Variants in SLC16A4 observed in about 807,000 individuals in gnomAD.
The protein encoded by SLC16A4 is probable monocarboxylate transporter 5.
SLC16A4 carries 39 observed loss-of-function variants against 47.9 expected under a neutral mutation model. The ratio of observed to expected loss-of-function variants is 0.81; its 90% CI spans 0.63 to 1.06. The LOEUF is 1.06. SLC16A4 is among the 50% of genes least tolerant of loss of function. The probability of loss-of-function intolerance (pLI) is 0.00; values close to 1 mark genes in which losing one functional copy is unlikely to be tolerated. For missense variants in SLC16A4, 524 were observed against 573.8 expected, an observed-to-expected ratio of 0.91 and a Z score of 0.89; for synonymous variants, 189 against 199.9, an observed-to-expected ratio of 0.95 and a Z score of 0.46.
At position 110,382,709 on chromosome 1, in the gene SLC16A4, G is replaced by A. The variant is rs781152269; in HGVS notation, c.220+125C>T. 2.3e-5 allele frequency: 22 copies of A among 954,232 alleles called. No homozygotes were observed. In the Middle Eastern group the frequency reaches 1.4e-3, roughly 60 times the overall value. 59.1% of individuals were successfully genotyped at this position (954,232 alleles called of 1,614,324 possible). On this transcript the variant is annotated intron_variant, in intron 3 of 8. Coordinates refer to ENST00000369779, the MANE Select transcript of SLC16A4 (RefSeq NM_004696.3). ...TATTGCAATTCCTTACTTTCTCAGC[G>A]TTACATATCAGTAAATGAACCTTAA...
Position 110,386,018 on chromosome 1 carries a change from A to T in SLC16A4, c.88-3052T>A, listed in dbSNP as rs1212739457. 2.0e-5 allele frequency among the ~76,000 whole-genome samples: 3 copies of T among 152,160 alleles called. No individual in the cohort carries two copies. The East Asian group carries it at 5.8e-4, about 29-fold the overall frequency. On this transcript the variant is annotated intron_variant, in intron 2 of 8. Coordinates refer to ENST00000369779, the MANE Select transcript of SLC16A4 (RefSeq NM_004696.3). ...ATACAGTGCATCATTCTGTAAAGTA[A>T]ACTTCCTTTTGTTCTATGGACGTGG...
intron 2 of SLC16A4, among the ~76,000 whole-genome samples, chr1:110,387,400 T>C (rs1052919756): frequency 6.6e-6 from 1 of 152,224 alleles, no homozygotes; most frequent in African/African-American, 2.4e-5. Flanking sequence ...TTTCACTTAC[T>C]AGGAGCTCAT....
chr1:110,389,272 C>T lies in SLC16A4; in HGVS notation c.52G>A (p.Gly18Arg), dbSNP rs774774280. Residue 18 changes from glycine (G) to arginine (R), a missense_variant, in exon 2 of 9, where the codon GGA (glycine) becomes AGA (arginine). Coordinates refer to ENST00000369779, the MANE Select transcript of SLC16A4 (RefSeq NM_004696.3). Reference protein sequence around the residue: ...VQPYTKTLDGGWGWMIVIHFF... With the variant: ...VQPYTKTLDGRWGWMIVIHFF... ...TGAATCACAATCATCCATCCCCATC[C>T]TCCATCCAGGGTTTTAGTGTAAGGT... 4.3e-6 allele frequency: 7 copies of T among 1,613,960 alleles called. No homozygotes were observed. The highest frequency in any genetic ancestry group is 3.3e-5 in the Admixed American group (2 of 60,010).
At chr1:110,371,768 A>G (rs930384550) in intron 8 of SLC16A4, 1 of 151,944 alleles carries the variant, frequency 6.6e-6, no homozygotes, top group Admixed American at 6.6e-5. Context: ...AAACTCACCT[A>G]CTCTAATGCA....
At chr1:110,378,489 A>G (rs898187722) in intron 6 of SLC16A4, among the ~76,000 whole-genome samples, 8 of 152,352 alleles carry the variant, frequency 5.3e-5, no homozygotes, top group African/African-American at 1.9e-4. Context: ...TCCTTGAGCC[A>G]CTGCACTGTG....
rs748328458 is a variant in SLC16A4, at chr1:110,381,694, T to C, written c.322A>G (p.Thr108Ala). 6.3e-5 allele frequency: 101 copies of C among 1,613,578 alleles called. No homozygotes were observed. The highest frequency in any genetic ancestry group is 8.1e-5 in the Non-Finnish European group (96 of 1,179,882). ...GTCACACAAAGAAAAGGAATACTTG[T>C]GGCCCAGCTGCTGATCAGATATCCA... ...TGGYLISSWA[T>A]SIPFLCVTMG... Residue 108 changes from threonine (T) to alanine (A), a missense_variant, in exon 4 of 9, where the codon ACA (threonine) becomes GCA (alanine). By Grantham distance (58) the Thr-to-Ala change is moderately conservative. Coordinates refer to ENST00000369779, the MANE Select transcript of SLC16A4 (RefSeq NM_004696.3).
rs757300309 is a variant in SLC16A4 at position 110,363,716 on chromosome 1, G to C, written c.*50C>G. The C allele has an allele frequency of 2.1e-5, 32 of 1,510,470 alleles. 1 individual carries two copies. The Admixed American group carries it at 6.7e-4, about 32-fold the overall frequency. The allele number at this position is 1,510,470 out of a possible 1,614,324, so 93.6% of individuals were successfully genotyped here. A position where few individuals can be genotyped will look rare whatever the true frequency, so the allele number is the denominator to read the frequency against. On this transcript the variant is annotated 3_prime_UTR_variant, in exon 9 of 9. Coordinates refer to ENST00000369779, the MANE Select transcript of SLC16A4 (RefSeq NM_004696.3). ...CAAGCTTTTGTTTCCAATGACATTA[G>C]TTTAGGTTTTCTTTTGTTTAGCTCT...
chr1:110,367,682 G>A (rs1661463405), intron 8 of SLC16A4, among the ~76,000 whole-genome samples: 1 of 151,894 alleles, frequency 6.6e-6, no homozygotes, highest in Non-Finnish European at 1.5e-5. Flanking sequence ...GGCAACAGAG[G>A]GAGAGCCTGT....
intron 6 of SLC16A4, among the ~76,000 whole-genome samples, chr1:110,377,996 ATTT>A: frequency 1.3e-5 from 2 of 151,724 alleles, no homozygotes; most frequent in Admixed American, 1.3e-4. Flanking sequence ...CGCCTGGCTA[ATTT>A]TTTGTATTTT....
At chr1:110,389,545 C>T (rs1227228309) in intron 1 of SLC16A4, among the ~76,000 whole-genome samples, 190 bp from the exon 2 acceptor site, 1 of 152,224 alleles carries the variant, frequency 6.6e-6, no homozygotes, top group African/African-American at 2.4e-5. Context: ...TAATCCCATT[C>T]CTGGGTATAT....
rs567679016 is a variant in SLC16A4, at chr1:110,380,197, C to T, written c.526+785G>A. ...AATAGTTGCTTGCATTCAGCGTGTC[C>T]TGATCAAAGCTATGATTTGTATGGT... On this transcript the variant is annotated intron_variant, in intron 5 of 8. Coordinates refer to ENST00000369779, the MANE Select transcript of SLC16A4 (RefSeq NM_004696.3). Among the ~76,000 whole-genome samples, 8 of 152,108 alleles carry T rather than the reference C, an allele frequency of 5.3e-5. No homozygotes were observed. The South Asian group carries it at 1.2e-3, about 24-fold the overall frequency.
chr1:110,367,397 CT>C (rs1374191765), intron 8 of SLC16A4, among the ~76,000 whole-genome samples: 1 of 152,202 alleles, frequency 6.6e-6, no homozygotes, highest in Non-Finnish European at 1.5e-5. Flanking sequence ...AATCTTAGCA[CT>C]TTGGGAGGCC....
intron 5 of SLC16A4, among the ~76,000 whole-genome samples, chr1:110,379,582 G>A (rs1662239242): frequency 6.6e-6 from 1 of 151,980 alleles, no homozygotes; most frequent in Non-Finnish European, 1.5e-5. Flanking sequence ...GGGATAAAAG[G>A]AGAGATGGTG....
At chr1:110,389,120 C>G (rs1446776269) in intron 2 of SLC16A4, 117 bp downstream of exon 2, 2 of 903,650 alleles carry the variant, frequency 2.2e-6, no homozygotes, top group Non-Finnish European at 3.7e-6. Flanking sequence ...TCCTGCCCAC[C>G]CCTCCACTCA....
At chr1:110,380,058 C>A (rs868416006) in intron 5 of SLC16A4, among the ~76,000 whole-genome samples, 166 of 96,156 alleles carry the variant, frequency 1.7e-3, no homozygotes, top group Middle Eastern at 5.0e-3. Context: ...GAGCCTGTCT[C>A]AAAAAAAAAA....
At position 110,363,771 on chromosome 1, in the gene SLC16A4, T is replaced by A; in HGVS notation, c.1459A>T (p.Thr487Ser). 1 of 1,607,008 alleles carries A rather than the reference T, an allele frequency of 6.2e-7. No homozygotes were observed. Among genetic ancestry groups the A allele is most frequent in the Non-Finnish European group, 8.5e-7 (1 of 1,177,672 alleles). Residue 487 changes from threonine (T) to serine (S), a missense_variant, in exon 9 of 9, where the codon ACC becomes TCC. By Grantham distance (58) the Thr-to-Ser change is moderately conservative. Transcript: ENST00000369779. ...PLAERWKNSL[T>S] ...TGATTGCAGTCTTCTTTCTTTCAGGTCAGACTGTTTTTCCATCTTTCGGCC... is the reference window on the plus strand; with the variant it reads ...TGATTGCAGTCTTCTTTCTTTCAGGACAGACTGTTTTTCCATCTTTCGGCC...
chr1:110,367,983 C>T (rs1661484225), intron 8 of SLC16A4, among the ~76,000 whole-genome samples: 3 of 152,178 alleles, frequency 2.0e-5, no homozygotes, highest in South Asian at 4.1e-4. Flanking sequence ...CGTCCGCCAC[C>T]GTGCCCGGCT....
chr1:110,363,620 C>G lies in SLC16A4; in HGVS notation c.*146G>C. ...CAGCCTGGGCGAAAGAGCGAGACTC[C>G]GTCTCAAAAAAAAAAAAAAAAAAAT... On this transcript the variant is annotated 3_prime_UTR_variant, in exon 9 of 9. Coordinates refer to ENST00000369779, the MANE Select transcript of SLC16A4 (RefSeq NM_004696.3). The G allele has an allele frequency of 2.8e-6, 2 of 718,432 alleles. No individual in the cohort carries two copies. The highest frequency in any genetic ancestry group is 4.1e-6 in the Non-Finnish European group (2 of 489,934). The allele number at this position is 718,432 out of a possible 1,614,324, so 44.5% of individuals were successfully genotyped here.
chr1:110,379,608 G>C (rs1323874736), intron 5 of SLC16A4, among the ~76,000 whole-genome samples: 1 of 152,072 alleles, frequency 6.6e-6, no homozygotes, highest in Non-Finnish European at 1.5e-5. Context: ...TTGTGTTAAG[G>C]GGGGTAGGGG....
Sources: gnomAD v4.1 joint callset for allele counts (sites outside exome capture counted in the v4.1 genomes callset) on GRCh38, gnomAD v4.1.1 for gene constraint, MANE v1.5 for transcripts, NCBI Gene and HGNC (gene_info 2026-07-23, HGNC 2026-07-21) for gene names.